The following RHOBTB2 variants were observed in gnomAD, a reference collection of about 807,000 sequenced individuals.
The protein encoded by RHOBTB2 is rho-related BTB domain-containing protein 2.
In RHOBTB2, 39 loss-of-function variants were observed where a neutral mutation model predicts 66.5. The ratio of observed to expected loss-of-function variants is 0.59; its 90% CI spans 0.45 to 0.77. The LOEUF (loss-of-function observed/expected upper bound fraction) is 0.77, where lower values mean the gene tolerates loss of function less well. RHOBTB2 is among the 30% of genes least tolerant of loss of function. RHOBTB2 has a pLI of 0.00. For missense variants in RHOBTB2, 755 were observed against 999.1 expected, an observed-to-expected ratio of 0.76 and a Z score of 3.29; for synonymous variants, 390 against 395.0, an observed-to-expected ratio of 0.99 and a Z score of 0.15.
At position 23,004,284 on chromosome 8, in the gene RHOBTB2, G is replaced by A. The variant is rs1372026024; in HGVS notation, c.-10-141G>A. 7.0e-6 allele frequency: 5 copies of A among 713,964 alleles called. No individual in the cohort carries two copies. The highest frequency in any genetic ancestry group is 5.4e-5 in the East Asian group (2 of 37,200). 44.2% of individuals were successfully genotyped at this position (713,964 alleles called of 1,614,324 possible). On this transcript the variant is annotated intron_variant, in intron 1 of 9. Coordinates refer to ENST00000251822, the MANE Select transcript of RHOBTB2 (RefSeq NM_015178.3). This position sits in a 1 kb window ranked among gnomAD's most constrained non-coding sequence, Gnocchi z 6.4. ...CCCTCGCAGAGCTCTTGCCCAGAAC[G>A]TTGCCCACTCCTTCCTCCTCCTGTC...
intron 8 of RHOBTB2, 92 bp from the exon 9 acceptor site, chr8:23,015,546 C>T (rs1811265813): frequency 1.2e-6 from 1 of 859,282 alleles, no homozygotes; most frequent in South Asian, 1.5e-5. Context: ...TGCCCTGCAC[C>T]AGAGCTTCAG....
chr8:23,016,092 T>C (rs547976305), intron 9 of RHOBTB2, among the ~76,000 whole-genome samples: 222 of 152,370 alleles, frequency 1.5e-3, no homozygotes, highest in Non-Finnish European at 1.7e-3. Context: ...ATGCTGCTCA[T>C]GGCCCACTAA....
intron 7 of RHOBTB2, among the ~76,000 whole-genome samples, chr8:23,012,423 A>G (rs1196740321): frequency 6.6e-6 from 1 of 152,232 alleles, no homozygotes; most frequent in Admixed American, 6.5e-5. Context: ...ACTAGGGAAC[A>G]TCCACAAAAA....
At chr8:22,995,415 G>A (rs1038989748), upstream of RHOBTB2, among the ~76,000 whole-genome samples, 1 of 152,238 alleles carries the variant, frequency 6.6e-6, no homozygotes, top group Non-Finnish European at 1.5e-5. Flanking sequence ...GGGGAGCACA[G>A]GGGAAGAACA....
intron 6 of RHOBTB2, 125 bp from the exon 7 acceptor site, chr8:23,010,413 C>G (rs1811106149): frequency 9.2e-7 from 1 of 1,088,502 alleles, no homozygotes; most frequent in African/African-American, 1.6e-5. Flanking sequence ...ACATGCAGCA[C>G]AGGGAAGGCT....
chr8:22,999,515 A>G, upstream of RHOBTB2: 1 of 1,045,994 alleles, frequency 9.6e-7, no homozygotes, highest in Non-Finnish European at 1.2e-6. Context: ...CCGCCCCCCG[A>G]ACGCTTTCCA....
chr8:22,996,032 C>G (rs1343900449), upstream of RHOBTB2: 1 of 764,602 alleles, frequency 1.3e-6, no homozygotes, highest in Non-Finnish European at 2.3e-6. Flanking sequence ...GCTGGTGGGA[C>G]TGGCCGGGGA....
rs938825577 is a variant in RHOBTB2 at position 23,017,232 on chromosome 8, C to T, written c.1967-20C>T. On this transcript the variant is annotated intron_variant, in intron 9 of 9. Coordinates refer to ENST00000251822, the MANE Select transcript of RHOBTB2 (RefSeq NM_015178.3). The surrounding 1 kb of genome is among the most constrained non-coding windows in gnomAD (Gnocchi z 5.3). ...TCCCTCTGCCTCCTTTCTAACCAAGCTGCCTGCTCTCTGCTCCAGAAAACC... is the reference window on the plus strand; with the variant it reads ...TCCCTCTGCCTCCTTTCTAACCAAGTTGCCTGCTCTCTGCTCCAGAAAACC... 1 of 1,613,242 alleles carries T rather than the reference C, an allele frequency of 6.2e-7. No individual in the cohort carries two copies. Among genetic ancestry groups the T allele is most frequent in the African/African-American group, 1.3e-5 (1 of 75,016 alleles).
chr8:22,991,369 A>G (rs1810422136), intron 1 of RHOBTB2, among the ~76,000 whole-genome samples: 2 of 152,188 alleles, frequency 1.3e-5, no homozygotes, highest in South Asian at 4.1e-4. Context: ...TTTTTACAGA[A>G]ATCTCTGCTC....
intron 1 of RHOBTB2, among the ~76,000 whole-genome samples, chr8:23,003,744 G>A (rs1810857299): frequency 6.6e-6 from 1 of 152,228 alleles, no homozygotes; most frequent in African/African-American, 2.4e-5. Flanking sequence ...GAGAAAGGGA[G>A]GCCCCTGGGC....
chr8:22,955,611 C>CCAGGCTG, the RHOBTB2 span, among the ~76,000 whole-genome samples: 1 of 148,994 alleles, frequency 6.7e-6, no homozygotes, highest in Non-Finnish European at 1.5e-5. Flanking sequence ...TCTCTGTCAC[C>CCAGGCTG]CAGGCTGGAG....
At chr8:22,959,689 T>C in the RHOBTB2 span, among the ~76,000 whole-genome samples, 8 of 152,284 alleles carry the variant, frequency 5.3e-5, no homozygotes, top group African/African-American at 1.9e-4. Flanking sequence ...TTTAGGCACT[T>C]TGACCACCAA....
the RHOBTB2 span, among the ~76,000 whole-genome samples, chr8:22,972,671 C>T: frequency 1.3e-5 from 2 of 152,208 alleles, no homozygotes; most frequent in East Asian, 1.9e-4. Flanking sequence ...GAGCAGGCTG[C>T]GAAGATGTGG....
intron 1 of RHOBTB2, among the ~76,000 whole-genome samples, chr8:22,988,152 C>T (rs1968211): frequency 0.21 from 29,512 of 138,850 alleles, 3,530 homozygotes; most frequent in African/African-American, 0.31. Flanking sequence ...TGCTCCTTCC[C>T]CTTTTTTTTT....
chr8:22,975,483 T>A, the RHOBTB2 span, among the ~76,000 whole-genome samples: 1 of 152,098 alleles, frequency 6.6e-6, no homozygotes, highest in Non-Finnish European at 1.5e-5. Flanking sequence ...GCGGTGTGTT[T>A]CATGTGGCCC....
chr8:22,996,498 TGTGTGTGTGTGTG>T (rs1810562279), upstream of RHOBTB2, among the ~76,000 whole-genome samples: 1 of 338 alleles, frequency 3.0e-3, no homozygotes, highest in Non-Finnish European at 8.1e-3. Flanking sequence ...AGAGGGCTGG[TGTGTGTGTGTGTG>T]TGTGTGTGTG....
the RHOBTB2 span, among the ~76,000 whole-genome samples, chr8:22,969,153 C>T: frequency 1.3e-5 from 2 of 152,104 alleles, no homozygotes; most frequent in African/African-American, 4.8e-5. Flanking sequence ...TGGCAGCAGG[C>T]AAGAGAGAGA....
At position 22,994,470 on chromosome 8, in the gene RHOBTB2, G is replaced by A. The variant is rs116351389; in HGVS notation, c.-23-91G>A. ...GAGTAGGGCCCTCTATCTGGGCTGA[G>A]CGACCTTGGAGTAATTCGCGGTGTG... On this transcript the variant is annotated intron_variant, in intron 2 of 11. Transcript: ENST00000519685. 3.7e-3 allele frequency: 2,791 copies of A among 752,476 alleles called. 52 individuals are homozygous for A. In the African/African-American group the frequency reaches 0.042, roughly 11 times the overall value. The allele number at this position is 752,476 out of a possible 1,614,324, so 46.6% of individuals were successfully genotyped here.
the RHOBTB2 span, among the ~76,000 whole-genome samples, chr8:22,972,914 G>A: frequency 4.6e-5 from 7 of 152,008 alleles, no homozygotes; most frequent in Admixed American, 1.3e-4. Flanking sequence ...TGAATCTGCC[G>A]TGCAGCCATC....
Sources: gnomAD v4.1 joint callset for allele counts (sites outside exome capture counted in the v4.1 genomes callset) on GRCh38, gnomAD v4.1.1 for gene constraint, Gnocchi (gnomAD v3.1) non-coding constraint, MANE v1.5 for transcripts, NCBI Gene and HGNC (gene_info 2026-07-23, HGNC 2026-07-21) for gene names.